The following SLC7A5 variants were observed in gnomAD, a reference collection of about 807,000 sequenced individuals.
SLC7A5 encodes solute carrier family 7 member 5, also known as large neutral amino acids transporter small subunit 1.
A neutral mutation model predicts 50.2 loss-of-function variants in SLC7A5; 23 were observed. The ratio of observed to expected loss-of-function variants is 0.46; its 90% CI spans 0.33 to 0.65. SLC7A5 has a LOEUF of 0.65. Among genes scored for constraint, SLC7A5 ranks in the 30% least tolerant of loss-of-function variants. SLC7A5 has a pLI of 0.02. For missense variants in SLC7A5, 578 were observed against 684.4 expected, an observed-to-expected ratio of 0.84 and a Z score of 1.73; for synonymous variants, 393 against 330.6, an observed-to-expected ratio of 1.19 and a Z score of -2.05.
chr16:87,836,503 T>G lies in SLC7A5; in HGVS notation c.1285A>C (p.Ile429Leu). 1 of 1,611,050 alleles carries G rather than the reference T, an allele frequency of 6.2e-7. No homozygotes were observed. The highest frequency in any genetic ancestry group is 8.5e-7 in the Non-Finnish European group (1 of 1,179,928). The change falls in exon 8 of 10, where the codon ATC (isoleucine) becomes CTC (leucine). Residue 429 changes from isoleucine to leucine, a missense_variant. This residue lies in a region of SLC7A5 where 465 missense variants were observed against 594.6 expected (regional missense o/e 0.78). Coordinates refer to ENST00000261622, the MANE Select transcript of SLC7A5 (RefSeq NM_003486.7). ...RHRKPELERP[I>L]KVNLALPVFF... Reference sequence around the variant, plus strand: ...GCGGGAGGCCCCGGGCTCACCTTGATGGGCCGCTCAAGCTCAGGCTTTCTG... The same window carrying G: ...GCGGGAGGCCCCGGGCTCACCTTGAGGGGCCGCTCAAGCTCAGGCTTTCTG...
At chr16:87,864,356 C>G (rs994455002) in intron 1 of SLC7A5, among the ~76,000 whole-genome samples, 10 of 152,260 alleles carry the variant, frequency 6.6e-5, no homozygotes, top group African/African-American at 2.4e-4. Flanking sequence ...CTTTTCACTG[C>G]TCCAGGAGCA....
intron 1 of SLC7A5, among the ~76,000 whole-genome samples, chr16:87,859,375 C>T (rs1432516439): frequency 1.3e-5 from 2 of 152,178 alleles, no homozygotes; most frequent in Non-Finnish European, 2.9e-5. Context: ...CTGCATTGGC[C>T]TCCAGCAGCT....
intron 1 of SLC7A5, among the ~76,000 whole-genome samples, chr16:87,864,518 G>A (rs193282018): frequency 3.5e-4 from 53 of 152,190 alleles, no homozygotes; most frequent in Middle Eastern, 3.4e-3. Flanking sequence ...GCCCTTCTCC[G>A]AGCTGAAGTC....
At chr16:87,851,969 C>T in intron 1 of SLC7A5, 120 bp from the exon 2 acceptor site, 1 of 1,183,654 alleles carries the variant, frequency 8.4e-7, no homozygotes, top group Admixed American at 1.9e-5. Context: ...AAACAAGCTC[C>T]TTAAACAGCT....
At chr16:87,849,613 C>T (rs938040366) in intron 2 of SLC7A5, among the ~76,000 whole-genome samples, 3 of 152,202 alleles carry the variant, frequency 2.0e-5, no homozygotes, top group Non-Finnish European at 4.4e-5. Flanking sequence ...CTGGGAGGCA[C>T]AGGATGGATT....
At chr16:87,844,871 C>T (rs1015051801) in intron 2 of SLC7A5, among the ~76,000 whole-genome samples, 10 of 152,264 alleles carry the variant, frequency 6.6e-5, no homozygotes, top group African/African-American at 2.4e-4. Flanking sequence ...AGTGGAGCTG[C>T]GGGATGTGTC....
chr16:87,835,772 C>T (rs2054994962), intron 8 of SLC7A5, among the ~76,000 whole-genome samples: 4 of 152,362 alleles, frequency 2.6e-5, no homozygotes, highest in Admixed American at 1.3e-4. Context: ...CCGCGCCCAG[C>T]CTAAAGCCCG....
intron 1 of SLC7A5, among the ~76,000 whole-genome samples, chr16:87,859,128 C>CA (rs2055356695): frequency 6.6e-6 from 1 of 152,242 alleles, no homozygotes; most frequent in Admixed American, 6.5e-5. Flanking sequence ...CACGTCACCC[C>CA]AGGCTTCCAG....
At chr16:87,843,347 C>CTTTTTTTTTT (rs60307560) in intron 2 of SLC7A5, among the ~76,000 whole-genome samples, 13 of 63,320 alleles carry the variant, frequency 2.1e-4, no homozygotes, top group African/African-American at 5.9e-4. Context: ...GCCTGAGTAA[C>CTTTTTTTTTT]TTTTTTTTTT....
At position 87,832,767 on chromosome 16, in the gene SLC7A5, C is replaced by T; in HGVS notation, c.*203G>A. 1 of 589,474 alleles carries T rather than the reference C, an allele frequency of 1.7e-6. No individual in the cohort carries two copies. Among genetic ancestry groups the T allele is most frequent in the Non-Finnish European group, 3.1e-6 (1 of 319,248 alleles). 36.5% of individuals were successfully genotyped at this position (589,474 alleles called of 1,614,324 possible). ...CTCCTGGGCAGGAGCACAGGCACAC[C>T]TGGGTCCCTGGCCCTCAGTTGAGGG... On this transcript the variant is annotated 3_prime_UTR_variant, in exon 10 of 10. Transcript: ENST00000261622. The surrounding 1 kb of genome is among the most constrained non-coding windows in gnomAD (Gnocchi z 4.6).
chr16:87,869,141 G>T lies in SLC7A5; in HGVS notation c.282C>A (p.Val94=). 6.2e-7 allele frequency: 1 copy of T among 1,611,908 alleles called. No homozygotes were observed. The highest frequency in any genetic ancestry group is 1.1e-5 in the South Asian group (1 of 91,016). ...AGCAGAGCGCGCCCACGATGGAGAA[G>T]ACGCCGCACGCGGCCCACACCACCA... ...LALVVWAACG[V]FSIVGALCYA... Residue 94 remains valine, a synonymous_variant, in exon 1 of 10, where the codon GTC becomes GTA. Coordinates refer to ENST00000261622, the MANE Select transcript of SLC7A5 (RefSeq NM_003486.7).
chr16:87,835,248 C>T (rs537127098), intron 8 of SLC7A5, among the ~76,000 whole-genome samples: 1 of 152,354 alleles, frequency 6.6e-6, no homozygotes, highest in East Asian at 1.9e-4. Context: ...GCCCTGTCCC[C>T]AGGGAACAGA....
At position 87,852,091 on chromosome 16, in the gene SLC7A5, G is replaced by T. The variant is rs890052886; in HGVS notation, c.539-242C>A. ...GGATCCCAGGTGCCCCTTAAGATCT[G>T]CAAGGGACCTTTCCTCACCCCCCAC... On this transcript the variant is annotated intron_variant, in intron 1 of 9. Coordinates refer to ENST00000261622, the MANE Select transcript of SLC7A5 (RefSeq NM_003486.7). This position sits in a 1 kb window ranked among gnomAD's most constrained non-coding sequence, Gnocchi z 4.5. Among the ~76,000 whole-genome samples the T allele has an allele frequency of 9.9e-5, 15 of 152,144 alleles. No homozygotes were observed. The highest frequency in any genetic ancestry group is 5.9e-4 in the Admixed American group (9 of 15,284).
At chr16:87,868,243 A>G (rs944615331) in intron 1 of SLC7A5, among the ~76,000 whole-genome samples, 6 of 152,338 alleles carry the variant, frequency 3.9e-5, no homozygotes, top group African/African-American at 1.4e-4. Context: ...TGTTTCCCAG[A>G]GAAACCTGGG....
At chr16:87,836,828 G>A in intron 7 of SLC7A5, 181 bp from the exon 8 acceptor site, 1 of 591,734 alleles carries the variant, frequency 1.7e-6, no homozygotes, top group East Asian at 3.2e-5. Context: ...AGGAGGGAAG[G>A]AGGGAGGAGA....
At chr16:87,848,577 T>A (rs1481299656) in intron 2 of SLC7A5, among the ~76,000 whole-genome samples, 1 of 152,144 alleles carries the variant, frequency 6.6e-6, no homozygotes, top group Non-Finnish European at 1.5e-5. Context: ...GGGGCAGCCA[T>A]GACTCCCCCA....
chr16:87,869,402 C>A lies in SLC7A5; in HGVS notation c.21G>T (p.Lys7Asn). Residue 7 changes from lysine to asparagine, a missense_variant, in exon 1 of 10, where the codon AAG becomes AAT. By Grantham distance (94) the Lys-to-Asn change is moderately conservative (BLOSUM62 0). Around this residue, in one of 2 missense-constraint regions of SLC7A5, gnomAD observed 113 missense variants for 89.8 expected, o/e 1.26. Coordinates refer to ENST00000261622, the MANE Select transcript of SLC7A5 (RefSeq NM_003486.7). ...CCGCCGGCGCCGCTAGCGCGCGCCG[C>A]TTCGGGCCCGCACCCGCCATGCTCT... MAGAGP[K>N]RRALAAPAAE... The A allele has an allele frequency of 6.6e-7, 1 of 1,509,634 alleles. No individual in the cohort carries two copies. Among genetic ancestry groups the A allele is most frequent in the Non-Finnish European group, 8.8e-7 (1 of 1,134,482 alleles). 93.5% of individuals were successfully genotyped at this position (1,509,634 alleles called of 1,614,324 possible).
chr16:87,834,281 A>C, intron 9 of SLC7A5, 133 bp downstream of exon 9: 1 of 817,604 alleles, frequency 1.2e-6, no homozygotes, highest in Non-Finnish European at 2.1e-6. Context: ...ACTGGCGGAC[A>C]CTGCAGTGAC....
At chr16:87,838,631 A>G in intron 6 of SLC7A5, 83 bp downstream of exon 6, 1 of 1,082,008 alleles carries the variant, frequency 9.2e-7, no homozygotes. Flanking sequence ...CACAGAGACA[A>G]ACCTTTTACA....
Sources: allele counts gnomAD v4.1 joint callset (sites outside exome capture counted in the v4.1 genomes callset), GRCh38; gene constraint gnomAD v4.1.1; regional missense constraint gnomAD v4.1.1; non-coding constraint Gnocchi (gnomAD v3.1); transcripts MANE v1.5; gene names NCBI Gene and HGNC (gene_info 2026-07-23, HGNC 2026-07-21).